ARHGAP26: variants seen among roughly 807,000 people sequenced by gnomAD.
ARHGAP26 encodes rho GTPase-activating protein 26.
A neutral mutation model predicts 104.8 loss-of-function variants in ARHGAP26; 38 were observed. The ratio of observed to expected loss-of-function variants is 0.36; its 90% CI spans 0.28 to 0.48. The LOEUF (loss-of-function observed/expected upper bound fraction) is 0.48. Ranked by LOEUF, ARHGAP26 falls within the 20% of genes least tolerant of loss-of-function variation. The pLI, the probability that ARHGAP26 is intolerant of heterozygous loss-of-function variation, is 0.99. For synonymous variants in ARHGAP26, 341 were observed against 340.0 expected (o/e 1.00, Z -0.03); for missense variants, 704 against 947.9 (o/e 0.74, Z 3.38).
intron 22 of ARHGAP26, 55 bp from the exon 23 acceptor site, chr5:143,222,301 CCG>C (rs1811313563): frequency 3.9e-6 from 5 of 1,290,438 alleles, no homozygotes; most frequent in Non-Finnish European, 5.4e-6. Flanking sequence ...CACACATCTG[CCG>C]CCTGCTCTAT....
intron 11 of ARHGAP26, among the ~76,000 whole-genome samples, chr5:142,969,873 C>T (rs1771977199): frequency 6.6e-6 from 1 of 152,152 alleles, no homozygotes; most frequent in East Asian, 1.9e-4. Flanking sequence ...TGCTCTTTTC[C>T]TGTGACAGTG....
At chr5:143,131,276 A>G (rs1029797991) in intron 18 of ARHGAP26, among the ~76,000 whole-genome samples, 1 of 152,128 alleles carries the variant, frequency 6.6e-6, no homozygotes, top group African/African-American at 2.4e-5. Context: ...TTTCTCCAGC[A>G]TTTACTACAG....
At chr5:142,980,720 A>ATT (rs1176321956) in intron 11 of ARHGAP26, among the ~76,000 whole-genome samples, 1 of 152,132 alleles carries the variant, frequency 6.6e-6, no homozygotes, top group African/African-American at 2.4e-5. Context: ...TTTTGAGGCC[A>ATT]TAAGTACTTA....
chr5:143,006,322 T>G (rs1423935934), intron 11 of ARHGAP26, among the ~76,000 whole-genome samples: 15 of 150,904 alleles, frequency 9.9e-5, no homozygotes, highest in African/African-American at 2.2e-4. Flanking sequence ...TTTTCTTTTT[T>G]TTTTTTTTTT....
intron 20 of ARHGAP26, among the ~76,000 whole-genome samples, chr5:143,154,285 G>C (rs1800209254): frequency 6.6e-6 from 1 of 151,962 alleles, no homozygotes; most frequent in Non-Finnish European, 1.5e-5. Flanking sequence ...AACTAATGGA[G>C]AACCAAGGAG....
intron 12 of ARHGAP26, among the ~76,000 whole-genome samples, chr5:143,030,383 T>C (rs986178600): frequency 2.6e-5 from 4 of 152,202 alleles, no homozygotes; most frequent in Non-Finnish European, 5.9e-5. Context: ...GATAATGCCT[T>C]GATGGACAAA....
rs377477823 is a variant in ARHGAP26 at position 143,041,142 on chromosome 5, G to T, written c.1211-674G>T. ...TCTAAATTGCCTTCTTTTGTAAATG[G>T]TACAGTGGTGATCTAATCCATGTAT... On this transcript the variant is annotated intron_variant, in intron 13 of 22. Coordinates refer to ENST00000645722, the MANE Select transcript of ARHGAP26 (RefSeq NM_001135608.3). Among the ~76,000 whole-genome samples the T allele has an allele frequency of 2.0e-5, 3 of 152,180 alleles. No individual in the cohort carries two copies. The South Asian group carries it at 6.2e-4, about 32-fold the overall frequency.
chr5:142,921,552 A>G lies in ARHGAP26; in HGVS notation c.1028+8259A>G, dbSNP rs942535507. The G allele has an allele frequency of 2.4e-4, 40 of 167,192 alleles. No individual in the cohort carries two copies. In the Middle Eastern group the frequency reaches 0.01, roughly 42 times the overall value. The allele number at this position is 167,192 out of a possible 1,614,324, so 10.4% of individuals were successfully genotyped here. ...TTAGGGAAGAGACCCAGGAAAACTG[A>G]AGATTGGTGAAAGTCAGAATAGTGG... On this transcript the variant is annotated intron_variant, in intron 10 of 22. Transcript: ENST00000645722.
chr5:142,873,694 A>C lies in ARHGAP26; in HGVS notation c.250+199A>C, dbSNP rs79711448. On this transcript the variant is annotated intron_variant, in intron 2 of 22. Coordinates refer to ENST00000645722, the MANE Select transcript of ARHGAP26 (RefSeq NM_001135608.3). ...TCTTCTCGAGTTTTGGGATTGCCTC[A>C]CCCTCCAGCATGCAGGAGAGAAAGC... Among the ~76,000 whole-genome samples the C allele has an allele frequency of 2.5e-4, 38 of 152,176 alleles. No homozygotes were observed. In the East Asian group the frequency reaches 7.2e-3, roughly 29 times the overall value.
At chr5:142,950,745 C>T (rs1367824662) in intron 11 of ARHGAP26, among the ~76,000 whole-genome samples, 1 of 152,068 alleles carries the variant, frequency 6.6e-6, no homozygotes, top group Non-Finnish European at 1.5e-5. Flanking sequence ...GAGAGGGCCC[C>T]TCCCAAGTAA....
At chr5:142,930,164 AG>A (rs1314907008) in intron 10 of ARHGAP26, among the ~76,000 whole-genome samples, 1 of 152,216 alleles carries the variant, frequency 6.6e-6, no homozygotes, top group Non-Finnish European at 1.5e-5. Context: ...CGGGGACTTG[AG>A]AGTTCTGCAA....
intron 1 of ARHGAP26, among the ~76,000 whole-genome samples, chr5:142,780,615 C>T (rs1472527821): frequency 2.0e-5 from 3 of 152,214 alleles, no homozygotes; most frequent in African/African-American, 7.2e-5. Flanking sequence ...AAAAATCATT[C>T]CCTAAACTGA....
chr5:142,887,847 C>T (rs1334301969), intron 5 of ARHGAP26, among the ~76,000 whole-genome samples: 1 of 152,108 alleles, frequency 6.6e-6, no homozygotes, highest in Admixed American at 6.5e-5. Flanking sequence ...TGCCTGTAGT[C>T]CCAGCTACTC....
chr5:143,134,344 G>C (rs1453782677), intron 19 of ARHGAP26, among the ~76,000 whole-genome samples: 1 of 152,190 alleles, frequency 6.6e-6, no homozygotes, highest in Non-Finnish European at 1.5e-5. Flanking sequence ...CAGATCACCT[G>C]TGGACAAACA....
intron 17 of ARHGAP26, among the ~76,000 whole-genome samples, chr5:143,078,310 G>T (rs1311500786): frequency 6.6e-6 from 1 of 152,176 alleles, no homozygotes. Context: ...CAACCATCCC[G>T]AGAGTGAGTG....
At chr5:142,960,152 G>A (rs1769974905) in intron 11 of ARHGAP26, among the ~76,000 whole-genome samples, 1 of 152,230 alleles carries the variant, frequency 6.6e-6, no homozygotes, top group Non-Finnish European at 1.5e-5. Context: ...TTTGCTGGTA[G>A]CAGCAGCAGA....
chr5:143,172,494 G>A (rs1306057977), intron 20 of ARHGAP26, among the ~76,000 whole-genome samples: 2 of 152,160 alleles, frequency 1.3e-5, no homozygotes. Context: ...TTCATCAAGA[G>A]CTACAAGTTA....
chr5:142,820,127 C>T (rs1765827918), intron 1 of ARHGAP26, among the ~76,000 whole-genome samples: 1 of 152,162 alleles, frequency 6.6e-6, no homozygotes, highest in Non-Finnish European at 1.5e-5. Flanking sequence ...GAAATGGAAT[C>T]CACGAATGTG....
chr5:142,847,031 T>C (rs1772106774), intron 1 of ARHGAP26, among the ~76,000 whole-genome samples: 1 of 151,848 alleles, frequency 6.6e-6, no homozygotes, highest in African/African-American at 2.4e-5. Flanking sequence ...GGGCCCCATG[T>C]GGGGCTGCCA....
Sources: allele counts gnomAD v4.1 joint callset (sites outside exome capture counted in the v4.1 genomes callset), GRCh38; gene constraint gnomAD v4.1.1; transcripts MANE v1.5; gene names NCBI Gene and HGNC (gene_info 2026-07-23, HGNC 2026-07-21).